Variants in AFF2 observed in about 807,000 individuals in gnomAD.
AFF2 encodes the protein AF4/FMR2 family member 2.
In AFF2, 14 loss-of-function variants were observed where a neutral mutation model predicts 76.9. That is an observed-to-expected ratio of 0.18 (90% CI 0.12 to 0.28). The LOEUF (loss-of-function observed/expected upper bound fraction) is 0.28, where lower values mean the gene tolerates loss of function less well. Ranked by LOEUF, AFF2 falls within the 10% of genes least tolerant of loss-of-function variation. The pLI is 1.00. For missense variants in AFF2, 868 were observed against 1,001.1 expected (o/e 0.87, Z 1.79); for synonymous variants, 398 against 366.7 (o/e 1.09, Z -0.98).
intron 3 of AFF2, among the ~76,000 whole-genome samples, chrX:148,805,873 A>G (rs1360273642): frequency 8.9e-6 from 1 of 112,438 alleles, no homozygotes; most frequent in African/African-American, 3.2e-5. Context: ...TGCCCAGCAC[A>G]AGAGGGTCGT....
At chrX:148,624,056 G>C (rs1467440984) in intron 1 of AFF2, among the ~76,000 whole-genome samples, 2 of 111,913 alleles carry the variant, frequency 1.8e-5, no homozygotes, top group Non-Finnish European at 3.8e-5. Context: ...TCTAGACATA[G>C]CAAGCTAATG....
intron 3 of AFF2, among the ~76,000 whole-genome samples, chrX:148,739,267 A>G (rs2055321597): frequency 9.0e-6 from 1 of 111,689 alleles, no homozygotes; most frequent in Non-Finnish European, 1.9e-5. Flanking sequence ...TCTTAGGTCT[A>G]TTAGTAATCA....
intron 15 of AFF2, among the ~76,000 whole-genome samples, chrX:148,970,785 A>G (rs892001801): frequency 8.9e-6 from 1 of 112,087 alleles, no homozygotes; most frequent in Non-Finnish European, 1.9e-5. Context: ...CTCATCTTTC[A>G]TGACAATAGC....
In AFF2 at chrX:148,900,893, T is replaced by C. The variant is rs1293153450; in HGVS notation, c.1360-3328T>C. Among the ~76,000 whole-genome samples the C allele has an allele frequency of 2.7e-5, 3 of 111,932 alleles. No homozygotes were observed. In the East Asian group the frequency reaches 8.5e-4, roughly 32 times the overall value. On this transcript the variant is annotated intron_variant, in intron 8 of 20. Coordinates refer to ENST00000370460, the MANE Select transcript of AFF2 (RefSeq NM_002025.4). ...AAGATAGTGGTTCCTATAATCCTCA[T>C]TGGAATAACTACGTAGGTTTCATAC...
At chrX:148,511,302 A>C (rs2052479589) in intron 1 of AFF2, among the ~76,000 whole-genome samples, 2 of 111,284 alleles carry the variant, frequency 1.8e-5, no homozygotes, top group Admixed American at 1.9e-4. Flanking sequence ...TGTAGCTTTC[A>C]TCTAGTACAA....
At chrX:148,914,315 G>A (rs782253180) in intron 9 of AFF2, among the ~76,000 whole-genome samples, 1 of 111,374 alleles carries the variant, frequency 9.0e-6, no homozygotes, top group South Asian at 3.9e-4. Context: ...TCACAGTAGC[G>A]GAAAATACCA....
At chrX:148,752,586 C>T (rs1352275481) in intron 3 of AFF2, among the ~76,000 whole-genome samples, 4 of 111,731 alleles carry the variant, frequency 3.6e-5, no homozygotes, top group Non-Finnish European at 7.5e-5. Flanking sequence ...CACAGCACGT[C>T]CCTGATTTAT....
At chrX:148,661,720 T>C (rs2054307016) in intron 2 of AFF2, among the ~76,000 whole-genome samples, 188 bp from the exon 3 acceptor site, 1 of 111,876 alleles carries the variant, frequency 8.9e-6, no homozygotes, top group Non-Finnish European at 1.9e-5. Flanking sequence ...TCCAGAAGCT[T>C]TTTCAATAGT....
rs782818868 is a variant in AFF2, at chrX:148,982,157, G to A, written c.3623+1367G>A. Among the ~76,000 whole-genome samples the A allele has an allele frequency of 1.1e-3, 123 of 111,813 alleles. 1 individual carries two copies. Among genetic ancestry groups the A allele is most frequent in the African/African-American group, 3.9e-3 (119 of 30,790 alleles). On this transcript the variant is annotated intron_variant, in intron 19 of 20. Transcript: ENST00000370460. ...GTTTTTTTAAAAAAAATTCTGAAAC[G>A]CAAGAACTCAAACACAACCTAAGCT...
chrX:148,504,802 T>G (rs925239836), intron 1 of AFF2, among the ~76,000 whole-genome samples: 4 of 112,406 alleles, frequency 3.6e-5, no homozygotes, highest in Non-Finnish European at 5.6e-5. Context: ...CAGCCGGGCA[T>G]GGCCCATGCA....
intron 3 of AFF2, among the ~76,000 whole-genome samples, chrX:148,740,406 C>T (rs1202134695): frequency 9.0e-6 from 1 of 111,336 alleles, no homozygotes; most frequent in African/African-American, 3.3e-5. Flanking sequence ...TGTCTTTGAG[C>T]TCTGAATTTC....
Position 148,985,285 on chromosome X carries a change from C to CTTTTT in AFF2, c.3624-2052_3624-2048dup, listed in dbSNP as rs151339705. On this transcript the variant is annotated intron_variant, in intron 19 of 20. Coordinates refer to ENST00000370460, the MANE Select transcript of AFF2 (RefSeq NM_002025.4). Reference sequence around the variant, plus strand: ...ACAGGCATGAGCCCCTGTGCCTGGCCTTTTTTTTTTTTTTTTTTTTTTTTT... The same window carrying CTTTTT: ...ACAGGCATGAGCCCCTGTGCCTGGCCTTTTTTTTTTTTTTTTTTTTTTTTTTTTTT... Among the ~76,000 whole-genome samples the CTTTTT allele has an allele frequency of 8.4e-3, 129 of 15,385 alleles. 44 individuals are homozygous for CTTTTT. Among genetic ancestry groups the CTTTTT allele is most frequent in the East Asian group, 0.02 (7 of 347 alleles). 13.4% of individuals were successfully genotyped at this position (15,385 alleles called of 115,157 possible).
chrX:148,530,454 G>A (rs1557235720), intron 1 of AFF2, among the ~76,000 whole-genome samples: 1 of 111,983 alleles, frequency 8.9e-6, no homozygotes, highest in East Asian at 2.8e-4. Context: ...GACTTGGCAA[G>A]TGTTGCCTTG....
chrX:148,572,403 CT>C (rs781795277), intron 1 of AFF2, among the ~76,000 whole-genome samples: 4 of 112,162 alleles, frequency 3.6e-5, no homozygotes, highest in Non-Finnish European at 5.6e-5. Flanking sequence ...AATTACGCTT[CT>C]AAGTATACAT....
chrX:148,599,415 A>G (rs782513909), intron 1 of AFF2, among the ~76,000 whole-genome samples: 6 of 111,749 alleles, frequency 5.4e-5, no homozygotes, highest in Non-Finnish European at 1.1e-4. Flanking sequence ...ATTCAATTCA[A>G]GCCATATGGC....
At chrX:148,774,837 G>A (rs782575051) in intron 3 of AFF2, among the ~76,000 whole-genome samples, 2 of 111,936 alleles carry the variant, frequency 1.8e-5, no homozygotes, top group South Asian at 7.4e-4. Flanking sequence ...TTGGTCAAAT[G>A]GCAGAAAAGA....
chrX:148,990,956 A>T (rs535964022), intron 20 of AFF2, among the ~76,000 whole-genome samples: 2 of 112,670 alleles, frequency 1.8e-5, no homozygotes, highest in African/African-American at 6.4e-5. Flanking sequence ...ATAATCTATG[A>T]AAACATAAAT....
At chrX:148,771,038 C>G (rs1403932334) in intron 3 of AFF2, among the ~76,000 whole-genome samples, 1 of 111,958 alleles carries the variant, frequency 8.9e-6, no homozygotes, top group Non-Finnish European at 1.9e-5. Context: ...TTTGTACATG[C>G]TGGGCAGAAG....
At chrX:148,925,095 G>A (rs146025486) in intron 9 of AFF2, among the ~76,000 whole-genome samples, 10 of 112,271 alleles carry the variant, frequency 8.9e-5, no homozygotes, top group Non-Finnish European at 1.7e-4. Context: ...TCAAAAGAAG[G>A]GGGGAAATGC....
Sources: gnomAD v4.1 joint callset for allele counts (sites outside exome capture counted in the v4.1 genomes callset) on GRCh38, gnomAD v4.1.1 for gene constraint, MANE v1.5 for transcripts, NCBI Gene and HGNC (gene_info 2026-07-23, HGNC 2026-07-21) for gene names.